Variants in MSRA observed in about 807,000 individuals in gnomAD.
MSRA encodes mitochondrial peptide methionine sulfoxide reductase.
In MSRA, 54 loss-of-function variants were observed where a neutral mutation model predicts 31.3. That is an observed-to-expected ratio of 1.73 (90% confidence interval 1.39 to 2.17). The LOEUF (loss-of-function observed/expected upper bound fraction) is 2.17. MSRA is among the 30% of genes most tolerant of loss of function. MSRA has a pLI of 0.00. For missense variants in MSRA, 507 were observed against 300.9 expected, an observed-to-expected ratio of 1.69 and a Z score of -5.07; for synonymous variants, 169 against 116.5, an observed-to-expected ratio of 1.45 and a Z score of -2.90.
chr8:10,327,660 A>G (rs1239518094), intron 5 of MSRA, among the ~76,000 whole-genome samples: 3 of 152,080 alleles, frequency 2.0e-5, no homozygotes, highest in African/African-American at 4.8e-5. Flanking sequence ...TTGGCTGGGC[A>G]CGGTGGCTCA....
Position 10,054,533 on chromosome 8 carries a change from G to A in MSRA, c.17G>A (p.Arg6Gln), listed in dbSNP as rs776333498. 1.7e-5 allele frequency: 27 copies of A among 1,584,054 alleles called. No homozygotes were observed. In the Admixed American group the frequency reaches 3.7e-4, roughly 22 times the overall value. Residue 6 changes from arginine to glutamine, a missense_variant, in exon 1 of 6, where the codon CGG (arginine) becomes CAG (glutamine). Coordinates refer to ENST00000317173, the MANE Select transcript of MSRA (RefSeq NM_012331.5). MLSAT[R>Q]RACQLLLLHS... ...CGCCCTCCCATGCTCTCGGCCACCC[G>A]GAGGGCTTGCCAGCTCCTCCTCCTC...
intron 1 of MSRA, among the ~76,000 whole-genome samples, chr8:10,193,724 A>G (rs1807731010): frequency 6.6e-6 from 1 of 152,220 alleles, no homozygotes; most frequent in Admixed American, 6.5e-5. Flanking sequence ...GATTTTGTTC[A>G]TTATGTTTCT....
chr8:10,266,607 G>GT (rs879628309), intron 3 of MSRA, among the ~76,000 whole-genome samples: 274 of 145,862 alleles, frequency 1.9e-3, no homozygotes, highest in Middle Eastern at 3.7e-3. Context: ...CAGTCTATCG[G>GT]TTTTTTTTTT....
At chr8:10,193,290 C>A (rs907883787) in intron 1 of MSRA, among the ~76,000 whole-genome samples, 1 of 152,170 alleles carries the variant, frequency 6.6e-6, no homozygotes, top group African/African-American at 2.4e-5. Flanking sequence ...CAGCGCATGG[C>A]TTTATGGAGG....
intron 1 of MSRA, among the ~76,000 whole-genome samples, chr8:10,126,149 C>T (rs956354003): frequency 1.1e-4 from 16 of 152,308 alleles, no homozygotes; most frequent in Admixed American, 2.6e-4. Context: ...TACATTGTAA[C>T]TAACACATTA....
At chr8:10,207,567 G>A (rs1373324155) in intron 1 of MSRA, among the ~76,000 whole-genome samples, 1 of 152,142 alleles carries the variant, frequency 6.6e-6, no homozygotes, top group African/African-American at 2.4e-5. Context: ...AGGCCCGGCT[G>A]GGTCTGTAGC....
chr8:10,138,714 C>T (rs1487879121), intron 1 of MSRA, among the ~76,000 whole-genome samples: 6 of 152,118 alleles, frequency 3.9e-5, no homozygotes, highest in African/African-American at 7.2e-5. Context: ...AGAGGTTGCT[C>T]GCTGTTGATT....
At chr8:10,301,926 A>G (rs1439396008) in intron 4 of MSRA, among the ~76,000 whole-genome samples, 2 of 152,208 alleles carry the variant, frequency 1.3e-5, no homozygotes, top group East Asian at 1.9e-4. Context: ...TGATTATTGC[A>G]TTATTCCTCC....
chr8:10,111,125 G>T (rs1156921661), intron 1 of MSRA, among the ~76,000 whole-genome samples: 1 of 152,172 alleles, frequency 6.6e-6, no homozygotes, highest in South Asian at 2.1e-4. Flanking sequence ...GGGTTTCCGT[G>T]TTATCCAGGG....
rs193138006 is a variant in MSRA, at chr8:10,295,934, C to T, written c.332-5600C>T. ...GCTCTTGCTCCTGTAGCCCCTCTTT[C>T]GGAGGTGTCTTTCTGCCTGGATTAA... On this transcript the variant is annotated intron_variant, in intron 3 of 5. Transcript: ENST00000317173. Among the ~76,000 whole-genome samples, 227 of 152,282 alleles carry T rather than the reference C, an allele frequency of 1.5e-3. 1 individual carries two copies. Among genetic ancestry groups the T allele is most frequent in the African/African-American group, 4.9e-3 (204 of 41,570 alleles).
chr8:10,416,232 C>T (rs765311096), intron 5 of MSRA, among the ~76,000 whole-genome samples: 18 of 152,238 alleles, frequency 1.2e-4, no homozygotes, highest in Non-Finnish European at 2.4e-4. Context: ...TAGCCCGGTC[C>T]TTGACACACA....
chr8:10,264,805 C>A (rs4841306), intron 3 of MSRA, among the ~76,000 whole-genome samples: 2 of 152,054 alleles, frequency 1.3e-5, no homozygotes, highest in Non-Finnish European at 2.9e-5. Flanking sequence ...GAGCCCAATG[C>A]GGAGGGCACT....
At chr8:10,178,482 T>G (rs1404382399) in intron 1 of MSRA, among the ~76,000 whole-genome samples, 3 of 152,030 alleles carry the variant, frequency 2.0e-5, no homozygotes, top group African/African-American at 7.2e-5. Flanking sequence ...AGCAGGAAAG[T>G]AATTGAAAAA....
intron 5 of MSRA, among the ~76,000 whole-genome samples, chr8:10,405,553 T>A (rs1259286107): frequency 6.6e-6 from 1 of 152,230 alleles, no homozygotes; most frequent in African/African-American, 2.4e-5. Flanking sequence ...TCACTTTCCT[T>A]TCTCTGGAAC....
chr8:10,103,023 C>G (rs1370396836), intron 1 of MSRA, among the ~76,000 whole-genome samples: 1 of 152,130 alleles, frequency 6.6e-6, no homozygotes, highest in Non-Finnish European at 1.5e-5. Flanking sequence ...TAATCACTAG[C>G]TACCCAGAGA....
chr8:10,314,895 G>A (rs1801627191), intron 4 of MSRA, among the ~76,000 whole-genome samples: 1 of 152,170 alleles, frequency 6.6e-6, no homozygotes, highest in African/African-American at 2.4e-5. Flanking sequence ...AAAATAGGCT[G>A]TATTAGTCTA....
intron 1 of MSRA, among the ~76,000 whole-genome samples, chr8:10,060,350 AAG>A (rs1802640162): frequency 1.3e-5 from 2 of 152,230 alleles, no homozygotes; most frequent in South Asian, 2.1e-4. Flanking sequence ...TGAAAAAAGC[AAG>A]GTCTCAACAG....
chr8:10,284,719 C>T (rs554751556), intron 3 of MSRA, among the ~76,000 whole-genome samples: 4 of 152,126 alleles, frequency 2.6e-5, no homozygotes, highest in African/African-American at 9.6e-5. Flanking sequence ...TCTGACTCCG[C>T]CCCTCAGTGG....
At chr8:10,191,379 C>T (rs188474663) in intron 1 of MSRA, among the ~76,000 whole-genome samples, 16 of 152,234 alleles carry the variant, frequency 1.1e-4, no homozygotes, top group Admixed American at 9.2e-4. Flanking sequence ...AATTTAGCCT[C>T]CCTGGGAATT....
Sources: allele counts gnomAD v4.1 joint callset (sites outside exome capture counted in the v4.1 genomes callset), GRCh38; gene constraint gnomAD v4.1.1; transcripts MANE v1.5; gene names NCBI Gene and HGNC (gene_info 2026-07-23, HGNC 2026-07-21).